Variants in CTNNA3 observed in about 807,000 individuals in gnomAD.
CTNNA3 encodes the protein catenin alpha-3.
CTNNA3 carries 76 observed loss-of-function variants against 95.7 expected under a neutral mutation model. The ratio of observed to expected loss-of-function variants is 0.79; its 90% CI spans 0.66 to 0.96. The LOEUF is 0.96. Ranked by LOEUF, CTNNA3 falls within the 40% of genes least tolerant of loss-of-function variation. The pLI is 0.00. For missense variants in CTNNA3, 1,191 were observed against 1,089.8 expected, an observed-to-expected ratio of 1.09 and a Z score of -1.31; for synonymous variants, 431 against 374.4, an observed-to-expected ratio of 1.15 and a Z score of -1.74.
intron 7 of CTNNA3, among the ~76,000 whole-genome samples, chr10:66,936,868 G>A (rs951427133): frequency 6.6e-6 from 1 of 152,122 alleles, no homozygotes; most frequent in Non-Finnish European, 1.5e-5. Context: ...TTTAAATAGA[G>A]ATGAAAGTCT....
intron 5 of CTNNA3, among the ~76,000 whole-genome samples, chr10:67,259,739 T>A (rs1196093531): frequency 1.3e-5 from 2 of 152,182 alleles, no homozygotes; most frequent in African/African-American, 4.8e-5. Context: ...GGCAAACATA[T>A]TCTCAGTTTC....
At chr10:67,010,636 C>A (rs1346783248) in intron 7 of CTNNA3, among the ~76,000 whole-genome samples, 1 of 152,162 alleles carries the variant, frequency 6.6e-6, no homozygotes, top group Non-Finnish European at 1.5e-5. Flanking sequence ...TCACTTCCAG[C>A]AAGTTTCTGC....
At chr10:66,302,683 G>T (rs2091879632) in intron 12 of CTNNA3, among the ~76,000 whole-genome samples, 1 of 152,042 alleles carries the variant, frequency 6.6e-6, no homozygotes, top group African/African-American at 2.4e-5. Flanking sequence ...GAAACTGGTA[G>T]AAAGGTATGT....
intron 15 of CTNNA3, among the ~76,000 whole-genome samples, chr10:66,044,838 A>G (rs1564600419): frequency 6.6e-6 from 1 of 152,218 alleles, no homozygotes; most frequent in Admixed American, 6.5e-5. Flanking sequence ...TGTACCATAC[A>G]TTTTATATGC....
At chr10:67,676,011 A>C (rs2133559716) in intron 1 of CTNNA3, among the ~76,000 whole-genome samples, 1 of 152,258 alleles carries the variant, frequency 6.6e-6, no homozygotes, top group Non-Finnish European at 1.5e-5. Context: ...AATATATTTT[A>C]AATTAGCATA....
chr10:66,065,682 A>G lies in CTNNA3; in HGVS notation c.2159+3626T>C, dbSNP rs529921056. Among the ~76,000 whole-genome samples the G allele has an allele frequency of 9.9e-5, 15 of 151,672 alleles. 1 individual carries two copies. The South Asian group carries it at 1.5e-3, about 15-fold the overall frequency. On this transcript the variant is annotated intron_variant, in intron 15 of 17. Coordinates refer to ENST00000433211, the MANE Select transcript of CTNNA3 (RefSeq NM_013266.4). Reference sequence around the variant, plus strand: ...GAATGCTCTTTCTTTATCAGATTCTATTTTCTCTGCCCACTTCTTCAAAGC... The same window carrying G: ...GAATGCTCTTTCTTTATCAGATTCTGTTTTCTCTGCCCACTTCTTCAAAGC...
rs183484329 is a variant in CTNNA3, at chr10:67,347,252, T to C, written c.580-127382A>G. The stretch of plus-strand genomic sequence containing the variant: ...TGTTTTGTTTTGTTTTTTGTAGAGA[T>C]GGGGTTTCACCATGTTGCCCAGGCT... On this transcript the variant is annotated intron_variant, in intron 5 of 17. Transcript: ENST00000433211. Among the ~76,000 whole-genome samples, 754 of 151,904 alleles carry C rather than the reference T, an allele frequency of 5.0e-3. 5 individuals carry two copies. The highest frequency in any genetic ancestry group is 0.017 in the African/African-American group (706 of 41,448).
chr10:66,416,726 G>T (rs901540883), intron 11 of CTNNA3, among the ~76,000 whole-genome samples: 1 of 151,854 alleles, frequency 6.6e-6, no homozygotes, highest in African/African-American at 2.4e-5. Context: ...CTTCATAAAT[G>T]AAGGAGAAAT....
At chr10:67,479,322 C>T (rs2133047767) in intron 5 of CTNNA3, among the ~76,000 whole-genome samples, 1 of 152,264 alleles carries the variant, frequency 6.6e-6, no homozygotes, top group South Asian at 2.1e-4. Context: ...GTACATGGAA[C>T]ATACTCTGAG....
At chr10:66,424,933 A>C (rs7077262) in intron 11 of CTNNA3, among the ~76,000 whole-genome samples, 1 of 151,802 alleles carries the variant, frequency 6.6e-6, no homozygotes, top group Non-Finnish European at 1.5e-5. Flanking sequence ...CTGTGCAACA[A>C]AGCAAGACCC....
chr10:67,153,979 GA>G (rs1184563800), intron 7 of CTNNA3, among the ~76,000 whole-genome samples: 2 of 151,912 alleles, frequency 1.3e-5, no homozygotes, highest in Non-Finnish European at 2.9e-5. Context: ...ACCTTTAAGG[GA>G]GAAAGGTAAT....
chr10:66,946,977 G>T (rs538427381), intron 7 of CTNNA3, among the ~76,000 whole-genome samples: 1 of 152,106 alleles, frequency 6.6e-6, no homozygotes, highest in African/African-American at 2.4e-5. Context: ...ATCTATTCAT[G>T]TACACAACCA....
chr10:66,911,403 G>T (rs868012690), intron 7 of CTNNA3, among the ~76,000 whole-genome samples: 8 of 152,140 alleles, frequency 5.3e-5, no homozygotes, highest in South Asian at 2.1e-4. Context: ...CAAACTTAGA[G>T]AATAATTGAA....
chr10:67,697,867 G>C (rs1840997217), upstream of CTNNA3, among the ~76,000 whole-genome samples: 1 of 152,116 alleles, frequency 6.6e-6, no homozygotes, highest in African/African-American at 2.4e-5. Flanking sequence ...CGTTGGATTT[G>C]TTGATCACAG....
intron 12 of CTNNA3, among the ~76,000 whole-genome samples, chr10:66,322,698 T>C (rs1237188686): frequency 6.6e-6 from 1 of 152,040 alleles, no homozygotes; most frequent in African/African-American, 2.4e-5. Context: ...TTCTGGACAT[T>C]TGGGAAGAAC....
intron 5 of CTNNA3, among the ~76,000 whole-genome samples, chr10:67,402,455 G>GC (rs1844958771): frequency 6.6e-6 from 1 of 152,216 alleles, no homozygotes; most frequent in Non-Finnish European, 1.5e-5. Flanking sequence ...ATTAGAAGTA[G>GC]CTATGGTGCA....
At chr10:66,257,444 G>C (rs911295080) in intron 13 of CTNNA3, among the ~76,000 whole-genome samples, 1 of 152,074 alleles carries the variant, frequency 6.6e-6, no homozygotes, top group Non-Finnish European at 1.5e-5. Context: ...TCCATTATTA[G>C]GCCATGACTT....
chr10:67,013,355 G>A (rs1005386583), intron 7 of CTNNA3, among the ~76,000 whole-genome samples: 3 of 152,062 alleles, frequency 2.0e-5, no homozygotes, highest in African/African-American at 4.8e-5. Context: ...TAATAGATAT[G>A]TTTTCCTTTA....
chr10:66,562,826 T>C (rs542739387), intron 10 of CTNNA3, among the ~76,000 whole-genome samples: 28 of 152,180 alleles, frequency 1.8e-4, no homozygotes, highest in African/African-American at 6.3e-4. Context: ...TTTGAAGCAT[T>C]TCACTGGAAA....
Sources: gnomAD v4.1 joint callset for allele counts (sites outside exome capture counted in the v4.1 genomes callset) on GRCh38, gnomAD v4.1.1 for gene constraint, MANE v1.5 for transcripts, NCBI Gene and HGNC (gene_info 2026-07-23, HGNC 2026-07-21) for gene names.